Variants in ASB3 observed in about 807,000 individuals in gnomAD.
ASB3 encodes ankyrin repeat and SOCS box containing 3.
A neutral mutation model predicts 54.5 loss-of-function variants in ASB3; 41 were observed. The observed-to-expected ratio is 0.75, with a 90% CI of 0.59 to 0.98. The LOEUF (loss-of-function observed/expected upper bound fraction) is 0.98. ASB3 is among the 50% of genes least tolerant of loss of function. The pLI, the probability that ASB3 is intolerant of heterozygous loss-of-function variation, is 0.00. For missense variants in ASB3, 733 were observed against 620.0 expected, an observed-to-expected ratio of 1.18 and a Z score of -1.94; for synonymous variants, 266 against 221.2, an observed-to-expected ratio of 1.20 and a Z score of -1.80.
intron 9 of ASB3, among the ~76,000 whole-genome samples, chr2:53,683,161 G>C (rs573978628): frequency 6.6e-6 from 1 of 152,146 alleles, no homozygotes; most frequent in South Asian, 2.1e-4. Flanking sequence ...GTTTTTTGAG[G>C]GTTTTGTCAT....
At chr2:53,758,562 C>T (rs539508891) in intron 2 of ASB3, among the ~76,000 whole-genome samples, 43 of 152,250 alleles carry the variant, frequency 2.8e-4, no homozygotes, top group African/African-American at 8.9e-4. Flanking sequence ...CACCCTTGAG[C>T]GCAAAGGCAA....
At chr2:53,678,711 C>G (rs576390369) in intron 9 of ASB3, among the ~76,000 whole-genome samples, 1 of 152,274 alleles carries the variant, frequency 6.6e-6, no homozygotes, top group South Asian at 2.1e-4. Flanking sequence ...GATAAGTCCT[C>G]GGGAATCCCC....
intron 3 of ASB3, among the ~76,000 whole-genome samples, chr2:53,743,397 C>G (rs1672044398): frequency 6.6e-6 from 1 of 152,052 alleles, no homozygotes; most frequent in African/African-American, 2.4e-5. Context: ...TTTAGCTAAC[C>G]AAACAAGGCT....
chr2:53,681,325 T>C (rs1489951077), intron 9 of ASB3, among the ~76,000 whole-genome samples: 1 of 152,236 alleles, frequency 6.6e-6, no homozygotes, highest in East Asian at 1.9e-4. Flanking sequence ...GGCCGTCTCT[T>C]CTCTTTGTTG....
At position 53,767,723 on chromosome 2, in the gene ASB3, C is replaced by A. The variant is rs1234589007; in HGVS notation, c.-13-2138G>T. ...AAAATAAAGCTGACTGAGATCCGCT[C>A]GGAAAATCTTTCTGGATCTAAACTC... On this transcript the variant is annotated intron_variant, in intron 1 of 9. Transcript: ENST00000263634. 3 of 780,122 alleles carry A rather than the reference C, an allele frequency of 3.8e-6. No individual in the cohort carries two copies. In the African/African-American group the frequency reaches 5.3e-5, roughly 14 times the overall value. 48.3% of individuals were successfully genotyped at this position (780,122 alleles called of 1,614,324 possible).
chr2:53,781,412 C>CAAA (rs201329287), intron 1 of ASB3, among the ~76,000 whole-genome samples: 2 of 103,552 alleles, frequency 1.9e-5, no homozygotes, highest in South Asian at 2.7e-4. Context: ...ACTCTGTCTC[C>CAAA]AAAAAAAAAA....
chr2:53,786,045 T>C (rs888494628), intron 1 of ASB3, among the ~76,000 whole-genome samples: 7 of 152,156 alleles, frequency 4.6e-5, no homozygotes, highest in African/African-American at 1.2e-4. Flanking sequence ...TCTGAGGAAG[T>C]GGGGGCGACC....
At chr2:53,771,941 C>T (rs768976504) in intron 1 of ASB3, 2 of 1,532,076 alleles carry the variant, frequency 1.3e-6, no homozygotes, top group Admixed American at 1.9e-5. Flanking sequence ...GAAGATCCTG[C>T]GGTATGGTAT....
chr2:53,758,343 G>GT (rs1477475011), intron 2 of ASB3, among the ~76,000 whole-genome samples: 3 of 152,186 alleles, frequency 2.0e-5, no homozygotes, highest in Non-Finnish European at 4.4e-5. Context: ...GCAACAAAAA[G>GT]TTTAAGATTG....
At chr2:53,775,051 T>C (rs1252611487) in intron 1 of ASB3, 2 of 152,678 alleles carry the variant, frequency 1.3e-5, no homozygotes, top group Non-Finnish European at 2.9e-5. Context: ...TTTGAGTTTT[T>C]AGCCAAAAAT....
chr2:53,721,398 CAAAAAA>C (rs1195017138), intron 5 of ASB3, among the ~76,000 whole-genome samples: 1 of 87,388 alleles, frequency 1.1e-5, no homozygotes, highest in Non-Finnish European at 2.3e-5. Flanking sequence ...TACTAAACTA[CAAAAAA>C]AAAAAAAAAA....
In ASB3 at chr2:53,692,083, C is replaced by G. The variant is rs182966756; in HGVS notation, c.1369+1801G>C. ...TTGGCAGCATCCCTGGCCTCTACCC[C>G]TTAGATGGCAATAGCATCCCTAACA... On this transcript the variant is annotated intron_variant, in intron 9 of 9. Transcript: ENST00000263634. 5.5e-4 allele frequency among the ~76,000 whole-genome samples: 83 copies of G among 152,288 alleles called. No individual in the cohort carries two copies. The East Asian group carries it at 0.011, about 20-fold the overall frequency.
In ASB3 at chr2:53,772,416, C is replaced by T. The variant is rs555332758; in HGVS notation, c.-13-6831G>A. 3.9e-5 allele frequency among the ~76,000 whole-genome samples: 6 copies of T among 152,192 alleles called. No homozygotes were observed. In the East Asian group the frequency reaches 9.7e-4, roughly 25 times the overall value. On this transcript the variant is annotated intron_variant, in intron 1 of 9. Transcript: ENST00000263634. ...GTCTCAATCTCCCGACCTCGTGATC[C>T]GCCCGCCTTGGCCTCCCAAAGTGCT...
Position 53,770,188 on chromosome 2 carries a change from T to C in ASB3, c.-13-4603A>G, listed in dbSNP as rs1022367500. On this transcript the variant is annotated intron_variant, in intron 1 of 9. Coordinates refer to ENST00000263634, the MANE Select transcript of ASB3 (RefSeq NM_016115.5). ...ATGTCCAAGAACACAGGAACGTTTA[T>C]AGTTCATCAATGACACAATATTATG... Among the ~76,000 whole-genome samples the C allele has an allele frequency of 5.3e-5, 8 of 152,278 alleles. No individual in the cohort carries two copies. In the East Asian group the frequency reaches 5.8e-4, roughly 11 times the overall value.
chr2:53,771,965 T>G (rs1383290242), intron 1 of ASB3: 1 of 1,298,166 alleles, frequency 7.7e-7, no homozygotes, highest in East Asian at 2.4e-5. Context: ...TATTCTTTTT[T>G]GTATAATTTT....
At chr2:53,695,221 T>A (rs1669122583) in intron 8 of ASB3, among the ~76,000 whole-genome samples, 1 of 152,038 alleles carries the variant, frequency 6.6e-6, no homozygotes, top group African/African-American at 2.4e-5. Context: ...TAATTTGGAG[T>A]CAAAATATCT....
chr2:53,719,103 C>G (rs1195044105), intron 5 of ASB3, among the ~76,000 whole-genome samples: 1 of 151,898 alleles, frequency 6.6e-6, no homozygotes, highest in Non-Finnish European at 1.5e-5. Context: ...GTATTTTTAG[C>G]AGATAGAGAC....
At chr2:53,682,538 G>A (rs2103672527) in intron 9 of ASB3, among the ~76,000 whole-genome samples, 1 of 152,146 alleles carries the variant, frequency 6.6e-6, no homozygotes, top group East Asian at 1.9e-4. Context: ...GTGCAGTGGT[G>A]CGATCTCGGC....
At chr2:53,733,145 GA>G (rs1488962083) in intron 3 of ASB3, among the ~76,000 whole-genome samples, 1 of 152,108 alleles carries the variant, frequency 6.6e-6, no homozygotes, top group African/African-American at 2.4e-5. Context: ...GAGATAGTGG[GA>G]ATACAGATGA....
Sources: gnomAD v4.1 joint callset for allele counts (sites outside exome capture counted in the v4.1 genomes callset) on GRCh38, gnomAD v4.1.1 for gene constraint, MANE v1.5 for transcripts, NCBI Gene and HGNC (gene_info 2026-07-23, HGNC 2026-07-21) for gene names.